The following CYB5B variants were observed in gnomAD, a reference collection of about 807,000 sequenced individuals.
The protein encoded by CYB5B is cytochrome b5 type B (outer mitochondrial membrane).
A neutral mutation model predicts 21.3 loss-of-function variants in CYB5B; 14 were observed. The ratio of observed to expected loss-of-function variants is 0.66; its 90% CI spans 0.43 to 1.03. CYB5B has a LOEUF of 1.03. CYB5B is among the 50% of genes least tolerant of loss of function. The pLI is 0.00. For synonymous variants in CYB5B, 69 were observed against 68.4 expected, an observed-to-expected ratio of 1.01 and a Z score of -0.04; for missense variants, 166 against 185.1, an observed-to-expected ratio of 0.90 and a Z score of 0.60.
At chr16:69,435,877 G>A (rs1258811307) in intron 1 of CYB5B, among the ~76,000 whole-genome samples, 12 of 152,110 alleles carry the variant, frequency 7.9e-5, no homozygotes, top group Admixed American at 7.9e-4. Flanking sequence ...GACCTCAGGT[G>A]ATCCTCCTGG....
intron 1 of CYB5B, among the ~76,000 whole-genome samples, chr16:69,429,275 C>T (rs2014680205): frequency 6.6e-6 from 1 of 152,122 alleles, no homozygotes; most frequent in Non-Finnish European, 1.5e-5. Context: ...AAAGTTTCCA[C>T]AGTGTGGAAA....
intron 2 of CYB5B, among the ~76,000 whole-genome samples, chr16:69,447,601 C>G (rs560371092): frequency 8.7e-4 from 131 of 150,370 alleles, no homozygotes; most frequent in Middle Eastern, 3.4e-3. Context: ...CAAGATTGCA[C>G]CACTGCACTC....
chr16:69,438,587 G>A (rs541107612), intron 1 of CYB5B, among the ~76,000 whole-genome samples: 6 of 134,044 alleles, frequency 4.5e-5, no homozygotes, highest in South Asian at 2.5e-4. Context: ...GTGGTGTCTC[G>A]TTATGGTTTG....
In CYB5B at chr16:69,464,026, A is replaced by G. The variant is rs762168744; in HGVS notation, c.*1506A>G. The stretch of plus-strand genomic sequence containing the variant: ...CTGCTTCTGAGCCATTGTCATATCC[A>G]GCAGGGAGCAGCTTGGTTCAAGAAG... On this transcript the variant is annotated 3_prime_UTR_variant, in exon 5 of 5. Coordinates refer to ENST00000307892, the MANE Select transcript of CYB5B (RefSeq NM_030579.3). 3.3e-5 allele frequency: 5 copies of G among 152,166 alleles called. No homozygotes were observed. Among genetic ancestry groups the G allele is most frequent in the Non-Finnish European group, 7.3e-5 (5 of 68,048 alleles). The allele number at this position is 152,166 out of a possible 1,614,324, so 9.4% of individuals were successfully genotyped here. A position where few individuals can be genotyped will look rare whatever the true frequency, so the allele number is the denominator to read the frequency against.
rs752856738 is a variant in CYB5B at position 69,466,167 on chromosome 16, G to C, written c.*3647G>C. 1 of 152,410 alleles carries C rather than the reference G, an allele frequency of 6.6e-6. No homozygotes were observed. Among genetic ancestry groups the C allele is most frequent in the Non-Finnish European group, 1.5e-5 (1 of 68,018 alleles). 9.4% of individuals were successfully genotyped at this position (152,410 alleles called of 1,614,324 possible). A position where few individuals can be genotyped will look rare whatever the true frequency, so the allele number is the denominator to read the frequency against. On this transcript the variant is annotated 3_prime_UTR_variant, in exon 5 of 5. Coordinates refer to ENST00000307892, the MANE Select transcript of CYB5B (RefSeq NM_030579.3). ...TAATGCAGTTAGTTTACCTTTTTCA[G>C]AATATTTTGAACAAAGATCTTTGTC...
At chr16:69,450,240 A>AC (rs11387047) in intron 3 of CYB5B, 4 of 148,994 alleles carry the variant, frequency 2.7e-5, no homozygotes, top group Non-Finnish European at 4.5e-5. Context: ...AAAAAAAAAA[A>AC]CCCAAAAAAC....
intron 1 of CYB5B, among the ~76,000 whole-genome samples, chr16:69,437,251 C>T (rs1169111679): frequency 1.3e-5 from 2 of 151,794 alleles, no homozygotes; most frequent in East Asian, 1.9e-4. Context: ...TATTGTGTAA[C>T]TGCGTACATA....
rs553735067 is a variant in CYB5B at position 69,462,125 on chromosome 16, A to G, written c.363-305A>G. On this transcript the variant is annotated intron_variant, in intron 4 of 4. Coordinates refer to ENST00000307892, the MANE Select transcript of CYB5B (RefSeq NM_030579.3). ...AAAAGCACAATGAAGAAAATGTGAG[A>G]GTATCCATAATCCCTAACTCAGAAA... 3.3e-5 allele frequency among the ~76,000 whole-genome samples: 5 copies of G among 152,360 alleles called. No individual in the cohort carries two copies. The South Asian group carries it at 1.0e-3, about 32-fold the overall frequency.
At chr16:69,431,959 A>G (rs2014710677) in intron 1 of CYB5B, among the ~76,000 whole-genome samples, 1 of 152,206 alleles carries the variant, frequency 6.6e-6, no homozygotes, top group African/African-American at 2.4e-5. Flanking sequence ...AGCCTCTGTG[A>G]GAAGATAACA....
At position 69,424,867 on chromosome 16, in the gene CYB5B, G is replaced by A. The variant is rs190422775; in HGVS notation, c.174+10G>A. The A allele has an allele frequency of 4.4e-4, 682 of 1,561,962 alleles. 7 individuals are homozygous for A. Among genetic ancestry groups the A allele is most frequent in the Non-Finnish European group, 2.0e-4 (228 of 1,152,288 alleles). On this transcript the variant is annotated intron_variant, in intron 1 of 4. Coordinates refer to ENST00000307892, the MANE Select transcript of CYB5B (RefSeq NM_030579.3). ...CCGCTTCCTCAACGAGGTGGGGCCT[G>A]GGAGGTGGGAGGCCTCTGAAGCTGC...
At chr16:69,462,401 A>C (rs776494469) in intron 4 of CYB5B, 29 bp from the exon 5 acceptor site, 2 of 1,545,340 alleles carry the variant, frequency 1.3e-6, no homozygotes, top group South Asian at 1.1e-5. Flanking sequence ...AATATTAACA[A>C]CTTTATTGCT....
intron 4 of CYB5B, among the ~76,000 whole-genome samples, chr16:69,461,202 CAAA>C (rs548563223): frequency 8.1e-6 from 1 of 123,792 alleles, no homozygotes. Context: ...GACTCCGTCT[CAAA>C]AAAAAAAAAA....
chr16:69,462,568 T>TA lies in CYB5B; in HGVS notation c.*49dup. Reference sequence around the variant, plus strand: ...AGTGCATCCACTTTGGGGCGAAAACTAGAGACTTGCTTGGGGGCTGCAGAA... The same window carrying TA: ...AGTGCATCCACTTTGGGGCGAAAACTAAGAGACTTGCTTGGGGGCTGCAGAA... On this transcript the variant is annotated 3_prime_UTR_variant, in exon 5 of 5. Transcript: ENST00000307892. 1 of 1,497,278 alleles carries TA rather than the reference T, an allele frequency of 6.7e-7. No homozygotes were observed. The highest frequency in any genetic ancestry group is 1.1e-5 in the South Asian group (1 of 88,646). 92.7% of individuals were successfully genotyped at this position (1,497,278 alleles called of 1,614,324 possible).
chr16:69,449,783 G>C (rs1011499754), intron 3 of CYB5B: 3 of 152,182 alleles, frequency 2.0e-5, no homozygotes, highest in Non-Finnish European at 4.4e-5. Context: ...GTGATAAGTA[G>C]GTAGCTAAGC....
At chr16:69,435,109 C>T (rs2014747097) in intron 1 of CYB5B, among the ~76,000 whole-genome samples, 1 of 152,058 alleles carries the variant, frequency 6.6e-6, no homozygotes, top group African/African-American at 2.4e-5. Flanking sequence ...TCTGGTTGAG[C>T]TTTCTACTTT....
chr16:69,453,619 G>A (rs2014956362), intron 3 of CYB5B, among the ~76,000 whole-genome samples: 1 of 152,034 alleles, frequency 6.6e-6, no homozygotes, highest in Admixed American at 6.6e-5. Flanking sequence ...GTGCAGTGGC[G>A]CGATCTCGGC....
At chr16:69,426,005 A>T (rs1597277624) in intron 1 of CYB5B, among the ~76,000 whole-genome samples, 1 of 152,246 alleles carries the variant, frequency 6.6e-6, no homozygotes, top group Non-Finnish European at 1.5e-5. Context: ...TCCCCCAAAG[A>T]ACATTATTTT....
Position 69,424,746 on chromosome 16 carries a change from G to A in CYB5B, c.63G>A (p.Glu21=), listed in dbSNP as rs1306545497. 6.2e-7 allele frequency: 1 copy of A among 1,601,490 alleles called. No individual in the cohort carries two copies. The highest frequency in any genetic ancestry group is 1.7e-5 in the Admixed American group (1 of 58,326). Residue 21 remains glutamate, a synonymous_variant, in exon 1 of 5, where the codon GAG becomes GAA. Coordinates refer to ENST00000307892, the MANE Select transcript of CYB5B (RefSeq NM_030579.3). ...GCGATGGGAAAGGGCAGGAAGTCGAGACCTCAGTCACCTATTACCGGTTGG... is the reference window on the plus strand; with the variant it reads ...GCGATGGGAAAGGGCAGGAAGTCGAAACCTCAGTCACCTATTACCGGTTGG... ...SGSDGKGQEV[E]TSVTYYRLEE... is the part of the protein sequence containing the mutation.
intron 3 of CYB5B, 132 bp downstream of exon 3, chr16:69,448,276 C>A (rs983833447): frequency 4.6e-6 from 5 of 1,077,064 alleles, no homozygotes; most frequent in East Asian, 2.4e-5. Flanking sequence ...TCCTATTTTT[C>A]TGGAATTTGG....
Sources: allele counts gnomAD v4.1 joint callset (sites outside exome capture counted in the v4.1 genomes callset), GRCh38; gene constraint gnomAD v4.1.1; transcripts MANE v1.5; gene names NCBI Gene and HGNC (gene_info 2026-07-23, HGNC 2026-07-21).